NDEL1: variants seen among roughly 807,000 people sequenced by gnomAD.
The protein encoded by NDEL1 is nuclear distribution protein nudE-like 1.
A neutral mutation model predicts 45.7 loss-of-function variants in NDEL1; 9 were observed. The ratio of observed to expected loss-of-function variants is 0.20; its 90% CI spans 0.12 to 0.34. The LOEUF (loss-of-function observed/expected upper bound fraction) is 0.34, where lower values mean the gene tolerates loss of function less well. Ranked by LOEUF, NDEL1 falls within the 10% of genes least tolerant of loss-of-function variation. The probability of loss-of-function intolerance (pLI) is 1.00; values close to 1 mark genes in which losing one functional copy is unlikely to be tolerated. For missense variants in NDEL1, 306 were observed against 406.2 expected (o/e 0.75, Z 2.12); for synonymous variants, 133 against 158.6 (o/e 0.84, Z 1.21).
At chr17:8,414,926 T>C (rs1278283120) in intron 1 of NDEL1, among the ~76,000 whole-genome samples, 2 of 152,216 alleles carry the variant, frequency 1.3e-5, no homozygotes, top group Non-Finnish European at 2.9e-5. Flanking sequence ...TATTATCTAT[T>C]AGATTATCTC....
intron 1 of NDEL1, among the ~76,000 whole-genome samples, chr17:8,426,348 A>T (rs748848713): frequency 6.6e-6 from 1 of 152,006 alleles, no homozygotes; most frequent in Non-Finnish European, 1.5e-5. Context: ...GGTAAGAAAC[A>T]CTCCATTTCT....
At chr17:8,474,317 G>A (rs1159157160) in intron 3 of NDEL1, 1 of 152,524 alleles carries the variant, frequency 6.6e-6, no homozygotes, top group Non-Finnish European at 1.5e-5. Flanking sequence ...TAAATTTATT[G>A]TCTTACAAAA....
At chr17:8,424,726 G>A (rs867332121) in intron 1 of NDEL1, among the ~76,000 whole-genome samples, 2 of 152,136 alleles carry the variant, frequency 1.3e-5, no homozygotes, top group African/African-American at 2.4e-5. Context: ...GGATGGTCTC[G>A]ATCTCCTGAC....
intron 6 of NDEL1, among the ~76,000 whole-genome samples, chr17:8,453,437 A>G (rs964931797): frequency 2.6e-5 from 4 of 152,218 alleles, no homozygotes; most frequent in African/African-American, 9.6e-5. Flanking sequence ...CATCTTTATG[A>G]TGAGGTAGTT....
At chr17:8,448,723 G>C (rs1910259050) in intron 5 of NDEL1, 37 bp downstream of exon 5, 2 of 1,574,690 alleles carry the variant, frequency 1.3e-6, no homozygotes, top group South Asian at 2.3e-5. Context: ...GTTGACCCTT[G>C]AACAACATGG....
chr17:8,473,230 A>G (rs529325970), intron 3 of NDEL1, among the ~76,000 whole-genome samples: 2 of 151,968 alleles, frequency 1.3e-5, no homozygotes, highest in East Asian at 3.9e-4. Flanking sequence ...TCTGTCACCC[A>G]GGCTGGAGTG....
At chr17:8,437,522 G>A (rs1009394091) in intron 1 of NDEL1, among the ~76,000 whole-genome samples, 8 of 152,200 alleles carry the variant, frequency 5.3e-5, no homozygotes, top group African/African-American at 1.9e-4. Flanking sequence ...TACTTCTGAC[G>A]TAAGTTTCTG....
chr17:8,419,169 A>C (rs145400369), intron 1 of NDEL1, among the ~76,000 whole-genome samples: 1 of 152,082 alleles, frequency 6.6e-6, no homozygotes, highest in African/African-American at 2.4e-5. Context: ...ATTTTCTTGT[A>C]TATGCAGTCT....
At chr17:8,469,984 A>C (rs1023718992), downstream of NDEL1, among the ~76,000 whole-genome samples, 4 of 150,882 alleles carry the variant, frequency 2.7e-5, no homozygotes, top group African/African-American at 7.3e-5. Context: ...CTGGGATTAC[A>C]GGTGTGGGCC....
At chr17:8,425,753 G>T in intron 1 of NDEL1, among the ~76,000 whole-genome samples, 1 of 151,270 alleles carries the variant, frequency 6.6e-6, no homozygotes, top group East Asian at 1.9e-4. Context: ...CTTAGCACTT[G>T]TTACTGCTGG....
chr17:8,444,095 C>T (rs1567730603), intron 1 of NDEL1, 165 bp from the exon 2 acceptor site: 3 of 556,790 alleles, frequency 5.4e-6, no homozygotes, highest in Non-Finnish European at 9.6e-6. Flanking sequence ...GAGAGTGGAG[C>T]AGTGGAGTGA....
chr17:8,428,360 G>GTGTGTGTA (rs1908899464), intron 1 of NDEL1, among the ~76,000 whole-genome samples: 1 of 27,278 alleles, frequency 3.7e-5, no homozygotes, highest in Non-Finnish European at 8.4e-5. Flanking sequence ...GTGTGTGTGT[G>GTGTGTGTA]TATTTTTTTT....
chr17:8,470,647 T>C (rs1015055659), downstream of NDEL1, among the ~76,000 whole-genome samples: 3 of 152,156 alleles, frequency 2.0e-5, no homozygotes, highest in African/African-American at 7.2e-5. The surrounding 1 kb of genome is among the most constrained non-coding windows in gnomAD (Gnocchi z 4.2). Context: ...TTGACTGAGC[T>C]TGCACGGCTA....
At chr17:8,435,072 AAAACAAAC>A (rs151006832), upstream of NDEL1, among the ~76,000 whole-genome samples, 2 of 151,284 alleles carry the variant, frequency 1.3e-5, no homozygotes, top group South Asian at 2.1e-4. Context: ...CTCCGTCTCA[AAAACAAAC>A]AAACAAACAA....
chr17:8,413,243 C>T (rs1908465235), exon 1 of NDEL1: 1 of 152,354 alleles, frequency 6.6e-6, no homozygotes, highest in Non-Finnish European at 1.5e-5. Flanking sequence ...TGGATCTGAT[C>T]AGCTGAGGCC....
chr17:8,437,505 T>C (rs1909429156), intron 1 of NDEL1, among the ~76,000 whole-genome samples: 1 of 152,242 alleles, frequency 6.6e-6, no homozygotes, highest in South Asian at 2.1e-4. Flanking sequence ...TTACTAAAGC[T>C]TAAAATTACT....
intron 6 of NDEL1, among the ~76,000 whole-genome samples, chr17:8,451,310 C>T (rs767805544): frequency 6.6e-6 from 1 of 152,186 alleles, no homozygotes. Flanking sequence ...CAGGCACCCA[C>T]CATTAACATT....
chr17:8,457,225 C>G (rs1194473419), intron 7 of NDEL1, among the ~76,000 whole-genome samples: 1 of 152,160 alleles, frequency 6.6e-6, no homozygotes, highest in African/African-American at 2.4e-5. Flanking sequence ...CTTCTTCACA[C>G]TCTTTGTGGG....
chr17:8,452,326 C>T (rs544518658), intron 6 of NDEL1, among the ~76,000 whole-genome samples: 1 of 152,292 alleles, frequency 6.6e-6, no homozygotes, highest in East Asian at 1.9e-4. Context: ...TGCGGTGACA[C>T]CCACAGGTGG....
Sources: gnomAD v4.1 joint callset for allele counts (sites outside exome capture counted in the v4.1 genomes callset) on GRCh38, gnomAD v4.1.1 for gene constraint, Gnocchi (gnomAD v3.1) non-coding constraint, MANE v1.5 for transcripts, NCBI Gene and HGNC (gene_info 2026-07-23, HGNC 2026-07-21) for gene names.